Variants in KCNQ3 observed in about 807,000 individuals in gnomAD.
The protein encoded by KCNQ3 is potassium voltage-gated channel subfamily KQT member 3.
Under a neutral mutation model 92.5 loss-of-function variants are expected in KCNQ3, and 30 were observed. That is an observed-to-expected ratio of 0.32 (90% CI 0.24 to 0.44). The LOEUF is 0.44. Ranked by LOEUF, KCNQ3 falls within the 20% of genes least tolerant of loss-of-function variation. KCNQ3 has a pLI of 1.00. For missense variants in KCNQ3, 913 were observed against 1,140.3 expected (o/e 0.80, Z 2.87); for synonymous variants, 450 against 468.8 (o/e 0.96, Z 0.52).
intron 1 of KCNQ3, among the ~76,000 whole-genome samples, chr8:132,254,631 C>T (rs920766213): frequency 4.6e-5 from 7 of 152,142 alleles, no homozygotes; most frequent in African/African-American, 9.7e-5. Flanking sequence ...CCTGTAATCT[C>T]GGTACGTTGA....
At chr8:132,156,881 T>C (rs926489741) in intron 9 of KCNQ3, among the ~76,000 whole-genome samples, 2 of 151,978 alleles carry the variant, frequency 1.3e-5, no homozygotes, top group Non-Finnish European at 2.9e-5. Context: ...GAGAGGGAGT[T>C]TGGGACACAG....
chr8:132,317,595 A>G (rs1163597366), intron 1 of KCNQ3, among the ~76,000 whole-genome samples: 1 of 152,066 alleles, frequency 6.6e-6, no homozygotes, highest in Non-Finnish European at 1.5e-5. Context: ...GTGCTCTTTG[A>G]TGGCTCATTT....
At chr8:132,392,343 G>A (rs1198673486) in intron 1 of KCNQ3, among the ~76,000 whole-genome samples, 4 of 151,914 alleles carry the variant, frequency 2.6e-5, no homozygotes, top group Admixed American at 6.6e-5. Flanking sequence ...CCCGAGCCCT[G>A]CCCCAGCCCA....
chr8:132,318,459 G>C (rs1817803291), intron 1 of KCNQ3, among the ~76,000 whole-genome samples: 2 of 152,194 alleles, frequency 1.3e-5, no homozygotes, highest in African/African-American at 4.8e-5. Context: ...GTGATTAAAG[G>C]GATGGGAATT....
intron 1 of KCNQ3, among the ~76,000 whole-genome samples, chr8:132,457,005 T>C (rs532363808): frequency 6.6e-6 from 1 of 152,342 alleles, no homozygotes; most frequent in African/African-American, 2.4e-5. Context: ...GTATTTTTGC[T>C]TCAACCAACA....
intron 1 of KCNQ3, among the ~76,000 whole-genome samples, chr8:132,258,346 A>C (rs966969776): frequency 3.3e-5 from 5 of 152,184 alleles, no homozygotes; most frequent in African/African-American, 1.2e-4. Flanking sequence ...TTAGTAATCA[A>C]AATTAGAATT....
chr8:132,298,487 G>C (rs1817114098), intron 1 of KCNQ3, among the ~76,000 whole-genome samples: 1 of 152,160 alleles, frequency 6.6e-6, no homozygotes, highest in African/African-American at 2.4e-5. Flanking sequence ...TGGCCAGAGA[G>C]AATGTGCCTC....
intron 1 of KCNQ3, among the ~76,000 whole-genome samples, chr8:132,347,725 C>T (rs1281070407): frequency 1.3e-5 from 2 of 152,144 alleles, no homozygotes; most frequent in African/African-American, 4.8e-5. Context: ...CGCCTGTAAT[C>T]CCAGCATTTT....
At position 132,184,328 on chromosome 8, in the gene KCNQ3, A is replaced by G; in HGVS notation, c.517T>C (p.Leu173=). Reference sequence around the variant, plus strand: ...CAACATCCAGCAGCCCAGATCCTCAAAGCAAACTCGGCTCCAAAGATGAAA... The same window carrying G: ...CAACATCCAGCAGCCCAGATCCTCAGAGCAAACTCGGCTCCAAAGATGAAA... The part of the protein sequence containing the change: ...AIFIFGAEFA[L]RIWAAGCCCR... The change falls in exon 3 of 15, where the codon TTG becomes CTG. Residue 173 remains leucine, a synonymous_variant. Coordinates refer to ENST00000388996, the MANE Select transcript of KCNQ3 (RefSeq NM_004519.4). The G allele has an allele frequency of 6.2e-7, 1 of 1,614,150 alleles. No individual in the cohort carries two copies. The highest frequency in any genetic ancestry group is 8.5e-7 in the Non-Finnish European group (1 of 1,180,014).
intron 1 of KCNQ3, among the ~76,000 whole-genome samples, chr8:132,268,567 C>A (rs73358948): frequency 0.026 from 4,002 of 152,252 alleles, 195 homozygotes; most frequent in African/African-American, 0.091. Context: ...CAGCTCATTT[C>A]TTTCTAGTGC....
chr8:132,264,901 A>G (rs1815931216), intron 1 of KCNQ3, among the ~76,000 whole-genome samples: 1 of 152,230 alleles, frequency 6.6e-6, no homozygotes, highest in South Asian at 2.1e-4. Flanking sequence ...CTCTAGCTGT[A>G]AAATTCTTCA....
intron 1 of KCNQ3, among the ~76,000 whole-genome samples, chr8:132,232,601 C>T (rs762524098): frequency 3.9e-5 from 6 of 152,198 alleles, no homozygotes; most frequent in Non-Finnish European, 7.3e-5. Flanking sequence ...ACATAGTAAG[C>T]ACTTGGTCAA....
intron 1 of KCNQ3, among the ~76,000 whole-genome samples, chr8:132,327,068 T>C (rs1188447799): frequency 1.3e-5 from 2 of 152,194 alleles, no homozygotes; most frequent in African/African-American, 2.4e-5. Flanking sequence ...GTTTTTTTCA[T>C]TGCTATACCC....
intron 1 of KCNQ3, among the ~76,000 whole-genome samples, chr8:132,251,948 T>C (rs1168548240): frequency 6.6e-6 from 1 of 152,260 alleles, no homozygotes; most frequent in Non-Finnish European, 1.5e-5. Context: ...TTCTCTTAAG[T>C]CCATTAGTCC....
intron 1 of KCNQ3, among the ~76,000 whole-genome samples, chr8:132,248,051 A>G (rs1815245734): frequency 1.3e-5 from 2 of 152,162 alleles, no homozygotes. Context: ...GAAGTGGCAG[A>G]GCTAGGATTC....
chr8:132,437,576 A>C (rs930587522), intron 1 of KCNQ3, among the ~76,000 whole-genome samples: 5 of 152,234 alleles, frequency 3.3e-5, no homozygotes, highest in African/African-American at 1.2e-4. Flanking sequence ...AAATATTTCT[A>C]ATTTGCCATA....
At chr8:132,431,107 T>C (rs1275697048) in intron 1 of KCNQ3, among the ~76,000 whole-genome samples, 1 of 152,110 alleles carries the variant, frequency 6.6e-6, no homozygotes, top group Non-Finnish European at 1.5e-5. Context: ...CTCCAAGCAG[T>C]GCCAAGCCCA....
At chr8:132,167,192 T>C (rs923958304) in intron 8 of KCNQ3, among the ~76,000 whole-genome samples, 2 of 152,172 alleles carry the variant, frequency 1.3e-5, no homozygotes, top group Non-Finnish European at 2.9e-5. Context: ...CAATATATCA[T>C]ATGATTTCAT....
chr8:132,174,132 G>T (rs918364678), intron 6 of KCNQ3, 107 bp downstream of exon 6: 3 of 804,678 alleles, frequency 3.7e-6, no homozygotes, highest in Non-Finnish European at 6.4e-6. Flanking sequence ...CTAGGGAGTT[G>T]GTAGGGTATA....
Sources: gnomAD v4.1 joint callset for allele counts (sites outside exome capture counted in the v4.1 genomes callset) on GRCh38, gnomAD v4.1.1 for gene constraint, MANE v1.5 for transcripts, NCBI Gene and HGNC (gene_info 2026-07-23, HGNC 2026-07-21) for gene names.